MED7: variants seen among roughly 807,000 people sequenced by gnomAD.
MED7 encodes mediator of RNA polymerase II transcription subunit 7.
Under a neutral mutation model 16.6 loss-of-function variants are expected in MED7, and 7 were observed. The observed-to-expected ratio is 0.42, with a 90% confidence interval of 0.24 to 0.79. MED7 has a LOEUF of 0.79. MED7 is among the 30% of genes least tolerant of loss of function. The pLI, the probability that MED7 is intolerant of heterozygous loss-of-function variation, is 0.27. For missense variants in MED7, 240 were observed against 286.3 expected (o/e 0.84, Z 1.17); for synonymous variants, 88 against 90.5 (o/e 0.97, Z 0.16).
chr5:157,138,500 C>A lies in MED7; in HGVS notation c.*230G>T. Reference sequence around the variant, plus strand: ...AACATAGGAATGTCCCATACAACAGCAGCTAACACTTTGCTTTTTAAAGTG... The same window carrying A: ...AACATAGGAATGTCCCATACAACAGAAGCTAACACTTTGCTTTTTAAAGTG... On this transcript the variant is annotated 3_prime_UTR_variant, in exon 2 of 2. Transcript: ENST00000286317. The A allele has an allele frequency of 2.2e-6, 1 of 446,706 alleles. No individual in the cohort carries two copies. The allele number at this position is 446,706 out of a possible 1,614,324, so 27.7% of individuals were successfully genotyped here.
intron 1 of MED7, 126 bp downstream of exon 1, chr5:157,142,694 G>C (rs545483868): frequency 2.0e-5 from 3 of 152,440 alleles, no homozygotes; most frequent in Non-Finnish European, 4.4e-5. Context: ...AAAGACGAAA[G>C]ACCGCCTTTG....
chr5:157,140,001 G>A (rs1757699780), intron 1 of MED7, among the ~76,000 whole-genome samples: 1 of 152,024 alleles, frequency 6.6e-6, no homozygotes, highest in African/African-American at 2.4e-5. Context: ...ATTTTATATG[G>A]ACACATTAAC....
At chr5:157,139,496 T>TA in intron 1 of MED7, 48 bp from the exon 2 acceptor site, 1 of 1,111,976 alleles carries the variant, frequency 9.0e-7, no homozygotes, top group Non-Finnish European at 1.2e-6. Flanking sequence ...ACAAACCTGT[T>TA]ACATTTCATA....
intron 1 of MED7, among the ~76,000 whole-genome samples, chr5:157,141,254 C>G (rs753817434): frequency 2.0e-5 from 3 of 152,058 alleles, no homozygotes; most frequent in African/African-American, 7.2e-5. Flanking sequence ...CTAATGTTTT[C>G]TATTTTCAGT....
In MED7 at chr5:157,139,341, C is replaced by G; in HGVS notation, c.91G>C (p.Ala31Pro). 1 of 1,613,458 alleles carries G rather than the reference C, an allele frequency of 6.2e-7. No homozygotes were observed. Among genetic ancestry groups the G allele is most frequent in the African/African-American group, 1.3e-5 (1 of 74,944 alleles). ...YTDENIQEGL[A>P]PKPPPPIKDS... ...TTTATTGGAGGGGGAGGCTTGGGAG[C>G]TAAGCCTTCTTGAATATTTTCATCC... Residue 31 changes from alanine to proline, a missense_variant, in exon 2 of 2, where the codon GCT becomes CCT. Transcript: ENST00000286317.
chr5:157,138,574 G>A lies in MED7; in HGVS notation c.*156C>T, dbSNP rs537370276. The A allele has an allele frequency of 1.5e-4, 90 of 616,222 alleles. No individual in the cohort carries two copies. Among genetic ancestry groups the A allele is most frequent in the African/African-American group, 1.0e-3 (54 of 54,024 alleles). The allele number at this position is 616,222 out of a possible 1,614,324, so 38.2% of individuals were successfully genotyped here. Reference sequence around the variant, plus strand: ...CATTTGTCTATGCTTGTTATACAGCGAAATTACTGCCTATGACATCTCATA... The same window carrying A: ...CATTTGTCTATGCTTGTTATACAGCAAAATTACTGCCTATGACATCTCATA... On this transcript the variant is annotated 3_prime_UTR_variant, in exon 2 of 2. Coordinates refer to ENST00000286317, the MANE Select transcript of MED7 (RefSeq NM_004270.5).
At chr5:157,142,707 G>A (rs1184890520) in intron 1 of MED7, 113 bp downstream of exon 1, 4 of 152,498 alleles carry the variant, frequency 2.6e-5, no homozygotes, top group African/African-American at 9.6e-5. Context: ...CGCCTTTGGA[G>A]GCCGAACTCA....
chr5:157,137,768 G>A lies in MED7; in HGVS notation c.*962C>T, dbSNP rs752496344. 1 of 152,202 alleles carries A rather than the reference G, an allele frequency of 6.6e-6. No homozygotes were observed. Among genetic ancestry groups the A allele is most frequent in the Non-Finnish European group, 1.5e-5 (1 of 68,082 alleles). The allele number at this position is 152,202 out of a possible 1,614,324, so 9.4% of individuals were successfully genotyped here. On this transcript the variant is annotated 3_prime_UTR_variant, in exon 2 of 2. Transcript: ENST00000286317. Reference sequence around the variant, plus strand: ...TTCGGTGGCTTCCAAACTTATCCTGGATACGACCGTCCAACCAGCAGCTGG... The same window carrying A: ...TTCGGTGGCTTCCAAACTTATCCTGAATACGACCGTCCAACCAGCAGCTGG...
rs150399260 is a variant in MED7, at chr5:157,138,847, G to T, written c.585C>A (p.Asn195Lys). The T allele has an allele frequency of 1.2e-6, 2 of 1,613,952 alleles. No individual in the cohort carries two copies. Among genetic ancestry groups the T allele is most frequent in the African/African-American group, 2.7e-5 (2 of 74,900 alleles). The change falls in exon 2 of 2, where the codon AAC becomes AAA. Residue 195 changes from asparagine (N) to lysine (K), a missense_variant. Coordinates refer to ENST00000286317, the MANE Select transcript of MED7 (RefSeq NM_004270.5). ...GATGTTCATTCTGTCCAGTACAATT[G>T]TTGCTATCATCAGCATCCATTGGTT... Reference protein sequence around the residue: ...KTEPMDADDSNNCTGQNEHQR... With the variant: ...KTEPMDADDSKNCTGQNEHQR...
chr5:157,139,271 A>T lies in MED7; in HGVS notation c.161T>A (p.Leu54His). The change falls in exon 2 of 2, where the codon CTT (leucine) becomes CAT (histidine). Residue 54 changes from leucine to histidine, a missense_variant. Leu to His is a moderately conservative substitution (Grantham distance 99). Coordinates refer to ENST00000286317, the MANE Select transcript of MED7 (RefSeq NM_004270.5). ...CTGACTTTCCAAAGGGCGGATGATA[A>T]GATCATCACATTGGAACTGATTGCC... is the stretch of plus-strand genomic sequence containing the variant. ...MFGNQFQCDD[L>H]IIRPLESQGI... The T allele has an allele frequency of 6.2e-7, 1 of 1,614,186 alleles. No individual in the cohort carries two copies. Among genetic ancestry groups the T allele is most frequent in the Admixed American group, 1.7e-5 (1 of 60,030 alleles).
At chr5:157,142,156 T>C (rs992462405) in intron 1 of MED7, among the ~76,000 whole-genome samples, 6 of 152,208 alleles carry the variant, frequency 3.9e-5, no homozygotes, top group African/African-American at 1.2e-4. Context: ...ATGGAGGTCT[T>C]ATTTTTAATA....
rs987570737 is a variant in MED7, at chr5:157,138,471, C to CT, written c.*258dup. On this transcript the variant is annotated 3_prime_UTR_variant, in exon 2 of 2. Transcript: ENST00000286317. ...TTATCATCAAAGTTTTACTGCAACT[C>CT]TAAAACATAGGAATGTCCCATACAA... is the stretch of plus-strand genomic sequence containing the variant. 4.5e-5 allele frequency: 16 copies of CT among 357,936 alleles called. No homozygotes were observed. The highest frequency in any genetic ancestry group is 8.0e-5 in the Non-Finnish European group (16 of 200,326). The allele number at this position is 357,936 out of a possible 1,614,324, so 22.2% of individuals were successfully genotyped here. A position where few individuals can be genotyped will look rare whatever the true frequency, so the allele number is the denominator to read the frequency against.
At chr5:157,141,202 G>A (rs922003233) in intron 1 of MED7, among the ~76,000 whole-genome samples, 1 of 150,986 alleles carries the variant, frequency 6.6e-6, no homozygotes, top group African/African-American at 2.4e-5. Flanking sequence ...TGCCTCAGCC[G>A]CCTGAGTAGC....
Position 157,137,812 on chromosome 5 carries a change from C to A in MED7, c.*918G>T, listed in dbSNP as rs10077217. Reference sequence around the variant, plus strand: ...CAGCTGGGAGAAGAGAATGGAGGATCATGCAAGAAATGTTTATGGGGCAAG... The same window carrying A: ...CAGCTGGGAGAAGAGAATGGAGGATAATGCAAGAAATGTTTATGGGGCAAG... On this transcript the variant is annotated 3_prime_UTR_variant, in exon 2 of 2. Coordinates refer to ENST00000286317, the MANE Select transcript of MED7 (RefSeq NM_004270.5). The A allele has an allele frequency of 0.17, 25,776 of 152,174 alleles. 2,257 individuals carry two copies. The highest frequency in any genetic ancestry group is 0.22 in the South Asian group (1,060 of 4,824). The allele number at this position is 152,174 out of a possible 1,614,324, so 9.4% of individuals were successfully genotyped here.
Position 157,138,961 on chromosome 5 carries a change from C to G in MED7, c.471G>C (p.Leu157=). ...TCTGAATCATTTCAATTACTCGTTC[C>G]AGGTGCTTTTGAAATCTCTCAGCTG... ...LETAERFQKH[L]ERVIEMIQNC... Residue 157 remains leucine, a synonymous_variant, in exon 2 of 2, where the codon CTG becomes CTC. Transcript: ENST00000286317. The G allele has an allele frequency of 6.2e-7, 1 of 1,614,130 alleles. No homozygotes were observed. The highest frequency in any genetic ancestry group is 8.5e-7 in the Non-Finnish European group (1 of 1,180,026).
chr5:157,141,063 T>A (rs888034402), intron 1 of MED7, among the ~76,000 whole-genome samples: 8 of 151,052 alleles, frequency 5.3e-5, no homozygotes, highest in Non-Finnish European at 1.0e-4. Flanking sequence ...GAATTAACAG[T>A]GATCTGGTAC....
intron 1 of MED7, chr5:157,142,604 A>C (rs1245587082): frequency 6.6e-6 from 1 of 152,122 alleles, no homozygotes; most frequent in Non-Finnish European, 1.5e-5. Context: ...TGCCACGCTT[A>C]GAGCCCCCTC....
In MED7 at chr5:157,138,890, C is replaced by T. The variant is rs982636034; in HGVS notation, c.542G>A (p.Gly181Glu). 2 of 1,614,152 alleles carry T rather than the reference C, an allele frequency of 1.2e-6. No individual in the cohort carries two copies. The highest frequency in any genetic ancestry group is 8.5e-7 in the Non-Finnish European group (1 of 1,180,030). Residue 181 changes from glycine (G) to glutamate (E), a missense_variant, in exon 2 of 2, where the codon GGA becomes GAA. By Grantham distance (98) the Gly-to-Glu change is moderately conservative (BLOSUM62 -2). Transcript: ENST00000286317. ...LPDDLPHSEA[G>E]MRVKTEPMDA... is the part of the protein sequence containing the mutation. ...CATTGGTTCAGTTTTTACTCTCATT[C>T]CTGCTTCTGAATGAGGCAAATCATC...
intron 1 of MED7, among the ~76,000 whole-genome samples, chr5:157,141,461 C>T (rs1757723261): frequency 6.6e-6 from 1 of 152,204 alleles, no homozygotes; most frequent in Admixed American, 6.5e-5. Flanking sequence ...CTTTCCTACA[C>T]GATGTGCATT....
Sources: gnomAD v4.1 joint callset for allele counts (sites outside exome capture counted in the v4.1 genomes callset) on GRCh38, gnomAD v4.1.1 for gene constraint, MANE v1.5 for transcripts, NCBI Gene and HGNC (gene_info 2026-07-23, HGNC 2026-07-21) for gene names.